The following PPP2R2B variants were observed in gnomAD, a reference collection of about 807,000 sequenced individuals.
PPP2R2B encodes the protein protein phosphatase 2 regulatory subunit Bbeta, also known as serine/threonine-protein phosphatase 2A 55 kDa regulatory subunit B beta isoform.
PPP2R2B carries 5 observed loss-of-function variants against 46.0 expected under a neutral mutation model. That is an observed-to-expected ratio of 0.11 (90% CI 0.06 to 0.23). The LOEUF is 0.23. Among genes scored for constraint, PPP2R2B ranks in the 10% least tolerant of loss-of-function variants. The pLI is 1.00. For missense variants in PPP2R2B, 367 were observed against 575.0 expected (o/e 0.64, Z 3.70); for synonymous variants, 215 against 206.7 (o/e 1.04, Z -0.34).
At chr5:146,928,148 A>G (rs1160962564) in intron 1 of PPP2R2B, among the ~76,000 whole-genome samples, 1 of 151,980 alleles carries the variant, frequency 6.6e-6, no homozygotes, top group Non-Finnish European at 1.5e-5. Flanking sequence ...GTCTTTTTTT[A>G]CTTGTGCCTC....
chr5:146,861,047 ATTTTTTCT>A (rs1561966748), intron 2 of PPP2R2B, among the ~76,000 whole-genome samples: 2 of 132,174 alleles, frequency 1.5e-5, no homozygotes, highest in African/African-American at 6.0e-5. Flanking sequence ...TTCAAACTGA[ATTTTTTCT>A]TTTTTTTTTT....
chr5:146,600,638 T>C (rs983291174), intron 7 of PPP2R2B, among the ~76,000 whole-genome samples, 178 bp from the exon 8 acceptor site: 14 of 152,064 alleles, frequency 9.2e-5, no homozygotes, highest in Admixed American at 3.3e-4. Context: ...AAAGCTGTCA[T>C]TAGTTTCTGG....
intron 7 of PPP2R2B, among the ~76,000 whole-genome samples, chr5:146,603,451 A>G (rs1561761525): frequency 6.6e-6 from 1 of 152,234 alleles, no homozygotes; most frequent in Non-Finnish European, 1.5e-5. Flanking sequence ...AACACTGTAA[A>G]GCCTCACAAT....
chr5:146,836,939 T>G (rs1256339771), intron 2 of PPP2R2B, among the ~76,000 whole-genome samples: 1 of 152,246 alleles, frequency 6.6e-6, no homozygotes, highest in African/African-American at 2.4e-5. Context: ...CATCCATTCA[T>G]TTCTTCATTC....
chr5:146,720,959 C>G (rs1780763259), intron 2 of PPP2R2B, among the ~76,000 whole-genome samples: 2 of 152,192 alleles, frequency 1.3e-5, no homozygotes, highest in Admixed American at 1.3e-4. Flanking sequence ...TGGAGATTTT[C>G]ACTTCTGTGA....
At chr5:146,720,939 A>T (rs1780762348) in intron 2 of PPP2R2B, among the ~76,000 whole-genome samples, 1 of 152,220 alleles carries the variant, frequency 6.6e-6, no homozygotes, top group African/African-American at 2.4e-5. Context: ...TTTTCATGAT[A>T]AAGGAATGAT....
rs78257660 is a variant in PPP2R2B at position 146,891,760 on chromosome 5, A to C, written c.79+163905T>G. 6.4e-3 allele frequency among the ~76,000 whole-genome samples: 982 copies of C among 152,368 alleles called. 10 individuals are homozygous for C. The highest frequency in any genetic ancestry group is 0.023 in the African/African-American group (937 of 41,582). On this transcript the variant is annotated intron_variant, in intron 1 of 8. Coordinates refer to the PPP2R2B transcript ENST00000336640. ...AAATGTAGAGGCATCTAGTGGAATG[A>C]GAATAGCTTTGACAGATAAAATAGA...
At chr5:146,737,407 C>T (rs971851437) in intron 2 of PPP2R2B, among the ~76,000 whole-genome samples, 1 of 152,180 alleles carries the variant, frequency 6.6e-6, no homozygotes, top group Non-Finnish European at 1.5e-5. Context: ...AAGAAAGTTA[C>T]TGGAAGCTCC....
intron 1 of PPP2R2B, among the ~76,000 whole-genome samples, chr5:146,989,989 A>G (rs1753616712): frequency 6.9e-6 from 1 of 144,476 alleles, no homozygotes; most frequent in Admixed American, 7.1e-5. Flanking sequence ...AAGCAATTCT[A>G]TTACAATAGC....
intron 1 of PPP2R2B, among the ~76,000 whole-genome samples, chr5:147,034,600 C>A (rs1580835340): frequency 6.6e-6 from 1 of 152,208 alleles, no homozygotes; most frequent in Non-Finnish European, 1.5e-5. Context: ...AGTTTAAAAT[C>A]CGTAATTTTT....
chr5:146,694,413 T>G (rs1241803400), intron 4 of PPP2R2B, among the ~76,000 whole-genome samples: 1 of 152,096 alleles, frequency 6.6e-6, no homozygotes, highest in African/African-American at 2.4e-5. Context: ...TAATACCAAA[T>G]TTTTTTTGTT....
At chr5:146,765,818 CTCAA>C (rs1328263349) in intron 2 of PPP2R2B, among the ~76,000 whole-genome samples, 1 of 152,160 alleles carries the variant, frequency 6.6e-6, no homozygotes, top group African/African-American at 2.4e-5. Context: ...CATTAGTTTT[CTCAA>C]ACAGCCATCA....
intron 2 of PPP2R2B, among the ~76,000 whole-genome samples, chr5:146,845,956 T>C (rs1348622793): frequency 8.5e-5 from 13 of 152,216 alleles, no homozygotes; most frequent in Admixed American, 6.5e-4. Flanking sequence ...CTGAATTCAA[T>C]GTGCTGTAAG....
At chr5:146,912,640 G>A (rs1292218841) in intron 1 of PPP2R2B, among the ~76,000 whole-genome samples, 1 of 151,820 alleles carries the variant, frequency 6.6e-6, no homozygotes, top group Admixed American at 6.6e-5. Context: ...GAGTAGCTGG[G>A]ATTACAGGCG....
At chr5:146,868,923 A>G (rs1360819912) in intron 2 of PPP2R2B, among the ~76,000 whole-genome samples, 1 of 152,222 alleles carries the variant, frequency 6.6e-6, no homozygotes. Context: ...ACTAGTAATC[A>G]TATTATTCTG....
At chr5:146,758,980 C>G in intron 2 of PPP2R2B, among the ~76,000 whole-genome samples, 1 of 151,988 alleles carries the variant, frequency 6.6e-6, no homozygotes, top group East Asian at 1.9e-4. Context: ...TGCAGTCTTT[C>G]AGTTCTCTTC....
intron 2 of PPP2R2B, among the ~76,000 whole-genome samples, chr5:146,857,661 ATCT>A (rs1760753617): frequency 6.6e-6 from 1 of 151,980 alleles, no homozygotes; most frequent in African/African-American, 2.4e-5. Context: ...TAACGGTAAT[ATCT>A]TAAGACATAT....
intron 6 of PPP2R2B, among the ~76,000 whole-genome samples, chr5:146,643,183 C>CGA (rs150316003): frequency 0.084 from 12,448 of 148,386 alleles, 557 homozygotes; most frequent in African/African-American, 0.13. Flanking sequence ...CACACACACA[C>CGA]GAGAGAGAGA....
intron 2 of PPP2R2B, among the ~76,000 whole-genome samples, chr5:146,831,565 T>C (rs1307164518): frequency 6.7e-6 from 1 of 148,530 alleles, no homozygotes; most frequent in African/African-American, 2.5e-5. Context: ...ATGGCACACA[T>C]TTACCTATGT....
Sources: gnomAD v4.1 joint callset for allele counts (sites outside exome capture counted in the v4.1 genomes callset) on GRCh38, gnomAD v4.1.1 for gene constraint, MANE v1.5 for transcripts, NCBI Gene and HGNC (gene_info 2026-07-23, HGNC 2026-07-21) for gene names.